CHST9: variants seen among roughly 807,000 people sequenced by gnomAD.
The protein encoded by CHST9 is carbohydrate sulfotransferase 9.
CHST9 carries 41 observed loss-of-function variants against 44.4 expected under a neutral mutation model. The observed-to-expected ratio is 0.92, with a 90% confidence interval of 0.72 to 1.20. The LOEUF (loss-of-function observed/expected upper bound fraction) is 1.20. Among genes scored for constraint, CHST9 ranks in the 50% most tolerant of loss-of-function variants. The pLI is 0.00. For synonymous variants in CHST9, 171 were observed against 178.4 expected (o/e 0.96, Z 0.33); for missense variants, 504 against 516.5 (o/e 0.98, Z 0.23).
chr18:27,135,596 T>A (rs570331226), intron 2 of CHST9, among the ~76,000 whole-genome samples: 2 of 152,270 alleles, frequency 1.3e-5, no homozygotes, highest in East Asian at 3.9e-4. Context: ...GGGTCAGTGG[T>A]TCATAACCTT....
chr18:27,004,572 C>T (rs944332849), intron 4 of CHST9, among the ~76,000 whole-genome samples: 1 of 152,100 alleles, frequency 6.6e-6, no homozygotes, highest in Non-Finnish European at 1.5e-5. Flanking sequence ...ACATATGCTA[C>T]TAATTGTTTT....
intron 2 of CHST9, among the ~76,000 whole-genome samples, chr18:27,050,480 T>C (rs2057553070): frequency 6.6e-6 from 1 of 152,180 alleles, no homozygotes; most frequent in Non-Finnish European, 1.5e-5. Context: ...AAGCTACATG[T>C]AAACTTTATC....
At chr18:27,096,793 C>T (rs1054291995) in intron 2 of CHST9, among the ~76,000 whole-genome samples, 7 of 151,828 alleles carry the variant, frequency 4.6e-5, no homozygotes, top group African/African-American at 1.7e-4. Flanking sequence ...AATAAAGATT[C>T]TACCAACGAA....
intron 4 of CHST9, among the ~76,000 whole-genome samples, chr18:26,983,971 C>T (rs1038488584): frequency 6.6e-6 from 1 of 152,322 alleles, no homozygotes; most frequent in African/African-American, 2.4e-5. Context: ...GTCAACCCCT[C>T]TTCACTCCCA....
intron 2 of CHST9, among the ~76,000 whole-genome samples, chr18:27,052,805 A>G (rs1196404323): frequency 6.6e-6 from 1 of 152,114 alleles, no homozygotes; most frequent in Non-Finnish European, 1.5e-5. Context: ...CATCGTCCTC[A>G]GCGAACTAAC....
chr18:27,143,006 G>A (rs2058580922), intron 1 of CHST9, 101 bp from the exon 2 acceptor site: 1 of 450,658 alleles, frequency 2.2e-6, no homozygotes, highest in Non-Finnish European at 3.9e-6. Context: ...AAGACTTAAT[G>A]TGCACACTAA....
intron 4 of CHST9, among the ~76,000 whole-genome samples, chr18:26,982,818 T>C (rs1031849726): frequency 2.0e-5 from 3 of 152,164 alleles, no homozygotes; most frequent in African/African-American, 7.2e-5. Context: ...TTCCACGTGA[T>C]AGTTCTTCAA....
chr18:27,152,341 C>CTT (rs11383019), intron 1 of CHST9, among the ~76,000 whole-genome samples: 1,707 of 148,994 alleles, frequency 0.011, 30 homozygotes, highest in African/African-American at 0.037. Flanking sequence ...AGTGTAGAGT[C>CTT]TTTTTTTTTT....
intron 4 of CHST9, among the ~76,000 whole-genome samples, chr18:26,996,073 G>C (rs1021594282): frequency 6.6e-6 from 1 of 152,168 alleles, no homozygotes; most frequent in East Asian, 1.9e-4. Flanking sequence ...GAATGGGTCT[G>C]GTCCAATATC....
chr18:27,175,673 T>A (rs953441755), intron 1 of CHST9, among the ~76,000 whole-genome samples: 12 of 152,058 alleles, frequency 7.9e-5, no homozygotes, highest in Non-Finnish European at 4.4e-5. Flanking sequence ...TGTGTTTGCA[T>A]ATGGCACATG....
intron 2 of CHST9, among the ~76,000 whole-genome samples, chr18:27,131,676 A>T (rs998144701): frequency 1.2e-4 from 19 of 152,194 alleles, no homozygotes; most frequent in African/African-American, 4.6e-4. Flanking sequence ...ATAATCATTA[A>T]TGTTAAAATC....
intron 4 of CHST9, among the ~76,000 whole-genome samples, chr18:27,009,205 C>T (rs2057053925): frequency 2.6e-5 from 4 of 152,160 alleles, no homozygotes; most frequent in Admixed American, 6.5e-5. Flanking sequence ...GAGACAGTTT[C>T]ATCTCCCCTC....
intron 4 of CHST9, among the ~76,000 whole-genome samples, chr18:26,981,995 C>T (rs569215331): frequency 6.6e-6 from 1 of 152,306 alleles, no homozygotes; most frequent in East Asian, 1.9e-4. Context: ...CTCCACACAG[C>T]AGTCAGAATG....
chr18:27,017,285 T>C (rs1439515382), intron 4 of CHST9, among the ~76,000 whole-genome samples: 3 of 152,212 alleles, frequency 2.0e-5, no homozygotes, highest in African/African-American at 7.2e-5. Context: ...AAGAACATCA[T>C]ATTCACAAAC....
intron 1 of CHST9, among the ~76,000 whole-genome samples, chr18:27,181,803 G>T (rs997925593): frequency 1.3e-5 from 2 of 152,076 alleles, no homozygotes; most frequent in Non-Finnish European, 2.9e-5. Context: ...CATTAAACAG[G>T]CATACAATCA....
chr18:26,923,248 G>C (rs2055696259), intron 5 of CHST9, among the ~76,000 whole-genome samples: 1 of 152,176 alleles, frequency 6.6e-6, no homozygotes, highest in South Asian at 2.1e-4. Context: ...AGCAGAAATG[G>C]GGGTCCAGGA....
chr18:27,048,543 A>G, intron 2 of CHST9, 40 bp from the exon 3 acceptor site: 1 of 1,521,062 alleles, frequency 6.6e-7, no homozygotes, highest in Non-Finnish European at 9.0e-7. Context: ...GCATGGAGTC[A>G]TGAGAATATG....
At chr18:26,950,804 T>C (rs1355318560) in intron 4 of CHST9, among the ~76,000 whole-genome samples, 1 of 152,098 alleles carries the variant, frequency 6.6e-6, no homozygotes, top group Non-Finnish European at 1.5e-5. Flanking sequence ...CACCAAAATC[T>C]CAGAATCACC....
intron 1 of CHST9, among the ~76,000 whole-genome samples, chr18:27,161,178 C>T (rs1024424572): frequency 2.6e-5 from 4 of 151,916 alleles, no homozygotes; most frequent in African/African-American, 7.3e-5. Context: ...GCTCTTGCTT[C>T]TCTAGTTCTT....
Sources: gnomAD v4.1 joint callset for allele counts (sites outside exome capture counted in the v4.1 genomes callset) on GRCh38, gnomAD v4.1.1 for gene constraint, MANE v1.5 for transcripts, NCBI Gene and HGNC (gene_info 2026-07-23, HGNC 2026-07-21) for gene names.